Variants in TBC1D1 observed in about 807,000 individuals in gnomAD.
TBC1D1 encodes the protein TBC1 domain family member 1.
A neutral mutation model predicts 125.6 loss-of-function variants in TBC1D1; 89 were observed. The observed-to-expected ratio is 0.71, with a 90% CI of 0.60 to 0.85. TBC1D1 has a LOEUF of 0.85. Among genes scored for constraint, TBC1D1 ranks in the 40% least tolerant of loss-of-function variants. The pLI, the probability that TBC1D1 is intolerant of heterozygous loss-of-function variation, is 0.00. For missense variants in TBC1D1, 1,377 were observed against 1,469.2 expected, an observed-to-expected ratio of 0.94 and a Z score of 1.03; for synonymous variants, 565 against 564.1, an observed-to-expected ratio of 1.00 and a Z score of -0.02.
chr4:37,969,001 G>C (rs999266760), intron 2 of TBC1D1, among the ~76,000 whole-genome samples: 17 of 152,152 alleles, frequency 1.1e-4, no homozygotes, highest in African/African-American at 4.1e-4. Context: ...AGTAACAATT[G>C]GAGCACAGTC....
chr4:38,117,798 G>A (rs568805973), intron 16 of TBC1D1, among the ~76,000 whole-genome samples: 1 of 152,346 alleles, frequency 6.6e-6, no homozygotes, highest in South Asian at 2.1e-4. Context: ...GGAAGTGGCA[G>A]TAGAAGACCC....
At chr4:38,075,754 ATAG>A (rs146617624) in intron 12 of TBC1D1, among the ~76,000 whole-genome samples, 1,950 of 152,242 alleles carry the variant, frequency 0.013, 42 homozygotes, top group African/African-American at 0.044. Context: ...ACTGGAGCCT[ATAG>A]TAGTTTATCT....
intron 2 of TBC1D1, among the ~76,000 whole-genome samples, chr4:37,903,701 G>T (rs1716664813): frequency 6.6e-6 from 1 of 152,144 alleles, no homozygotes; most frequent in Non-Finnish European, 1.5e-5. Flanking sequence ...TTGTTCATTT[G>T]TTGGTTCTTC....
At chr4:37,966,643 T>A (rs1163929000) in intron 2 of TBC1D1, among the ~76,000 whole-genome samples, 2 of 152,212 alleles carry the variant, frequency 1.3e-5, no homozygotes, top group Non-Finnish European at 2.9e-5. Context: ...CTTTTTTTAA[T>A]TATTATACTT....
chr4:38,077,789 T>C (rs982437102), intron 12 of TBC1D1, among the ~76,000 whole-genome samples: 4 of 152,198 alleles, frequency 2.6e-5, no homozygotes, highest in Non-Finnish European at 5.9e-5. Flanking sequence ...TGTTGGGCTT[T>C]TATGTCAAGT....
At chr4:38,025,661 T>C (rs1297851482) in intron 6 of TBC1D1, among the ~76,000 whole-genome samples, 5 of 152,206 alleles carry the variant, frequency 3.3e-5, no homozygotes, top group Non-Finnish European at 7.3e-5. Context: ...AATATCGTTT[T>C]TCCAAAATAT....
intron 2 of TBC1D1, chr4:37,960,409 G>T (rs773932570): frequency 1.5e-5 from 23 of 1,580,966 alleles, no homozygotes; most frequent in Non-Finnish European, 1.7e-5. Context: ...GATGAATGTG[G>T]CTGTTGAGAG....
At chr4:37,898,821 G>C (rs534003931) in intron 1 of TBC1D1, among the ~76,000 whole-genome samples, 6 of 152,140 alleles carry the variant, frequency 3.9e-5, no homozygotes, top group Non-Finnish European at 1.5e-5. Flanking sequence ...TTTGTGGCAG[G>C]GATTATATTC....
At chr4:37,927,804 G>A (rs984551406) in intron 2 of TBC1D1, among the ~76,000 whole-genome samples, 40 of 152,276 alleles carry the variant, frequency 2.6e-4, no homozygotes, top group African/African-American at 9.6e-4. Context: ...GGCTGACGCG[G>A]GAGGATCACT....
At chr4:37,963,193 C>G (rs1730380982) in intron 2 of TBC1D1, among the ~76,000 whole-genome samples, 1 of 152,172 alleles carries the variant, frequency 6.6e-6, no homozygotes, top group Non-Finnish European at 1.5e-5. Flanking sequence ...TCTTGCATCG[C>G]TATAAAGAAA....
At chr4:37,897,321 T>A (rs1714864763) in intron 1 of TBC1D1, among the ~76,000 whole-genome samples, 1 of 152,224 alleles carries the variant, frequency 6.6e-6, no homozygotes, top group Non-Finnish European at 1.5e-5. Context: ...TATGGAAGTT[T>A]TTATTGACAA....
intron 2 of TBC1D1, among the ~76,000 whole-genome samples, chr4:38,009,944 C>T (rs16994140): frequency 0.11 from 17,292 of 152,046 alleles, 1,178 homozygotes; most frequent in African/African-American, 0.18. Context: ...TGATTTACTT[C>T]GTCTGCAAAC....
chr4:38,120,825 A>C (rs906200828), intron 17 of TBC1D1, among the ~76,000 whole-genome samples: 6 of 151,766 alleles, frequency 4.0e-5, no homozygotes, highest in African/African-American at 1.5e-4. Flanking sequence ...CATCACATCT[A>C]CCTTTGGGGG....
chr4:37,929,991 A>T (rs1722941298), intron 2 of TBC1D1, among the ~76,000 whole-genome samples: 1 of 152,164 alleles, frequency 6.6e-6, no homozygotes, highest in Admixed American at 6.5e-5. Flanking sequence ...AGGTAAATAC[A>T]TGCACACCCC....
intron 16 of TBC1D1, 122 bp downstream of exon 18, chr4:38,116,076 A>G (rs531090085): frequency 2.8e-6 from 3 of 1,057,686 alleles, no homozygotes; most frequent in South Asian, 3.1e-5. Context: ...GTCACTGCTG[A>G]TAAAGGACTC....
intron 1 of TBC1D1, among the ~76,000 whole-genome samples, chr4:37,897,911 C>G (rs777566020): frequency 6.6e-6 from 1 of 152,084 alleles, no homozygotes; most frequent in Non-Finnish European, 1.5e-5. Flanking sequence ...ACTTCAAGTC[C>G]GTTTTCATTA....
chr4:37,998,721 GTCT>G (rs1047945638), intron 2 of TBC1D1, among the ~76,000 whole-genome samples: 24 of 152,210 alleles, frequency 1.6e-4, no homozygotes, highest in African/African-American at 4.8e-4. Context: ...GAATGAGGGT[GTCT>G]TCTTCAGAGT....
intron 16 of TBC1D1, among the ~76,000 whole-genome samples, chr4:38,116,206 C>T (rs1264333134): frequency 6.6e-6 from 1 of 152,162 alleles, no homozygotes; most frequent in Non-Finnish European, 1.5e-5. Context: ...TGGGCCCAGT[C>T]ACACAGCTAG....
chr4:37,912,193 C>T (rs1460155796), intron 2 of TBC1D1, among the ~76,000 whole-genome samples: 1 of 152,100 alleles, frequency 6.6e-6, no homozygotes, highest in Non-Finnish European at 1.5e-5. Context: ...GAAGTTGTTC[C>T]CTGTAATATC....
Sources: allele counts gnomAD v4.1 joint callset (sites outside exome capture counted in the v4.1 genomes callset), GRCh38; gene constraint gnomAD v4.1.1; transcripts MANE v1.5; gene names NCBI Gene and HGNC (gene_info 2026-07-23, HGNC 2026-07-21).